The following ITK variants were observed in gnomAD, a reference collection of about 807,000 sequenced individuals.
The protein encoded by ITK is tyrosine-protein kinase ITK/TSK.
In ITK, 45 loss-of-function variants were observed where a neutral mutation model predicts 87.6. The observed-to-expected ratio is 0.51, with a 90% CI of 0.40 to 0.66. The LOEUF is 0.66. Ranked by LOEUF, ITK falls within the 30% of genes least tolerant of loss-of-function variation. The pLI is 0.00. For missense variants in ITK, 605 were observed against 766.3 expected, an observed-to-expected ratio of 0.79 and a Z score of 2.48; for synonymous variants, 303 against 273.6, an observed-to-expected ratio of 1.11 and a Z score of -1.06.
Position 157,232,383 on chromosome 5 carries a change from C to CT in ITK, c.761dup (p.Leu254PhefsTer32). On this transcript the variant is annotated frameshift_variant, in exon 8 of 17. Coordinates refer to ENST00000422843, the MANE Select transcript of ITK (RefSeq NM_005546.4). LOFTEE classifies it high-confidence loss of function. Reference sequence around the variant, plus strand: ...CAGCCGAGACAAAGCTGAAAAACTTCTTTTGGACACAGTAAGTCTCCTTAA... The same window carrying CT: ...CAGCCGAGACAAAGCTGAAAAACTTCTTTTTGGACACAGTAAGTCTCCTTAA... The CT allele has an allele frequency of 1.2e-6, 2 of 1,607,410 alleles. No individual in the cohort carries two copies. Among genetic ancestry groups the CT allele is most frequent in the Non-Finnish European group, 1.7e-6 (2 of 1,174,382 alleles).
rs775078320 is a variant in ITK, at chr5:157,244,419, C to G, written c.1390C>G (p.Leu464Val). The change falls in exon 13 of 17, where the codon CTG (leucine) becomes GTG (valine). Residue 464 changes from leucine (L) to valine (V), a missense_variant. Physicochemically the swap from Leu to Val is conservative, Grantham distance 32. Coordinates refer to ENST00000422843, the MANE Select transcript of ITK (RefSeq NM_005546.4). ...TGCAGAGACCCTGCTGGGCATGTGTCTGGATGTGTGTGAGGGCATGGCCTA... is the reference window on the plus strand; with the variant it reads ...TGCAGAGACCCTGCTGGGCATGTGTGTGGATGTGTGTGAGGGCATGGCCTA... ...FAAETLLGMC[L>V]DVCEGMAYLE... 1 of 1,614,086 alleles carries G rather than the reference C, an allele frequency of 6.2e-7. No homozygotes were observed. The highest frequency in any genetic ancestry group is 8.5e-7 in the Non-Finnish European group (1 of 1,179,918).
chr5:157,204,745 T>C (rs1043975141), intron 1 of ITK, among the ~76,000 whole-genome samples: 18 of 152,238 alleles, frequency 1.2e-4, no homozygotes, highest in Admixed American at 9.8e-4. Flanking sequence ...TTACAGGCAT[T>C]AGCCACCATA....
At chr5:157,187,314 C>A (rs73814023) in intron 1 of ITK, among the ~76,000 whole-genome samples, 2,823 of 152,326 alleles carry the variant, frequency 0.019, 85 homozygotes, top group African/African-American at 0.065. Flanking sequence ...ATAAAGATGG[C>A]CTTGCCAGTG....
chr5:157,198,024 G>A lies in ITK; in HGVS notation c.139-10865G>A, dbSNP rs193021382. On this transcript the variant is annotated intron_variant, in intron 1 of 16. Transcript: ENST00000422843. ...TTCAAAGAGTACAGAAGGATACAAG[G>A]TAAAAAGAAAAGCTCCTTGGGAGGC... Among the ~76,000 whole-genome samples the A allele has an allele frequency of 2.8e-3, 420 of 151,652 alleles. 2 individuals carry two copies. The highest frequency in any genetic ancestry group is 9.7e-3 in the African/African-American group (401 of 41,376).
chr5:157,213,058 C>A (rs1056418982), intron 3 of ITK, among the ~76,000 whole-genome samples: 1 of 151,830 alleles, frequency 6.6e-6, no homozygotes, highest in South Asian at 2.1e-4. Context: ...AAGATATGCC[C>A]GAGAGTGGGT....
chr5:157,197,274 A>C (rs547037816), intron 1 of ITK, among the ~76,000 whole-genome samples: 39 of 152,316 alleles, frequency 2.6e-4, no homozygotes, highest in African/African-American at 8.2e-4. Context: ...GGTGCTCTCT[A>C]GCTGCTGCTC....
At chr5:157,206,015 A>C (rs1754072849) in intron 1 of ITK, among the ~76,000 whole-genome samples, 1 of 127,392 alleles carries the variant, frequency 7.8e-6, no homozygotes, top group African/African-American at 3.1e-5. Context: ...TTGCTCTGTC[A>C]CCTATGCTGG....
chr5:157,197,981 C>T (rs1423101583), intron 1 of ITK, among the ~76,000 whole-genome samples: 1 of 151,916 alleles, frequency 6.6e-6, no homozygotes, highest in Non-Finnish European at 1.5e-5. Flanking sequence ...AAAAGAAATA[C>T]ACATTCATGG....
chr5:157,210,635 C>T (rs1264752708), intron 2 of ITK, among the ~76,000 whole-genome samples: 3 of 150,178 alleles, frequency 2.0e-5, no homozygotes, highest in Non-Finnish European at 3.0e-5. Flanking sequence ...TGCTGGTGCG[C>T]TGCACCCACT....
intron 5 of ITK, among the ~76,000 whole-genome samples, chr5:157,221,873 G>A (rs941813141): frequency 6.6e-6 from 1 of 151,948 alleles, no homozygotes; most frequent in Non-Finnish European, 1.5e-5. Context: ...ATCTGCAGCC[G>A]GGCACAGTGG....
chr5:157,185,399 T>G (rs1753621121), intron 1 of ITK, among the ~76,000 whole-genome samples: 1 of 151,946 alleles, frequency 6.6e-6, no homozygotes, highest in African/African-American at 2.4e-5. Context: ...CCATCATGCT[T>G]GGCTAATTTT....
chr5:157,223,219 G>A (rs1397356486), intron 6 of ITK, among the ~76,000 whole-genome samples: 1 of 152,092 alleles, frequency 6.6e-6, no homozygotes, highest in African/African-American at 2.4e-5. Flanking sequence ...GCAGTCACTT[G>A]CTATGCTTGT....
At chr5:157,184,835 T>C (rs1753609653) in intron 1 of ITK, among the ~76,000 whole-genome samples, 1 of 152,120 alleles carries the variant, frequency 6.6e-6, no homozygotes. Flanking sequence ...TCTGGAGAAC[T>C]GGAAAGGTTC....
chr5:157,226,775 A>G (rs1314130635), intron 6 of ITK, among the ~76,000 whole-genome samples: 1 of 151,946 alleles, frequency 6.6e-6, no homozygotes, highest in African/African-American at 2.4e-5. Context: ...GCAATAAACT[A>G]TCAGGCATCT....
rs902426066 is a variant in ITK at position 157,253,653 on chromosome 5, G to C, written c.*975G>C. On this transcript the variant is annotated 3_prime_UTR_variant, in exon 17 of 17. Coordinates refer to ENST00000422843, the MANE Select transcript of ITK (RefSeq NM_005546.4). ...CTGCACTATCCGATCCTCATCAACA[G>C]AGGGCAGCATTGTGTTGGTCAATGT... The C allele has an allele frequency of 1.0e-4, 23 of 226,864 alleles. No individual in the cohort carries two copies. The highest frequency in any genetic ancestry group is 4.7e-4 in the African/African-American group (21 of 44,986). The allele number at this position is 226,864 out of a possible 1,614,324, so 14.1% of individuals were successfully genotyped here.
At chr5:157,186,399 GCACGATGGCC>G (rs1165448689) in intron 1 of ITK, among the ~76,000 whole-genome samples, 1 of 151,428 alleles carries the variant, frequency 6.6e-6, no homozygotes, top group Non-Finnish European at 1.5e-5. Flanking sequence ...AGAGAGGCGG[GCACGATGGCC>G]CATGCCTGTA....
intron 5 of ITK, among the ~76,000 whole-genome samples, chr5:157,219,964 A>T (rs548845208): frequency 1.3e-5 from 2 of 152,186 alleles, no homozygotes; most frequent in Non-Finnish European, 2.9e-5. Flanking sequence ...TCTGACCACA[A>T]AGGTTTTGGA....
chr5:157,192,070 A>T (rs1753762692), intron 1 of ITK, among the ~76,000 whole-genome samples: 1 of 152,232 alleles, frequency 6.6e-6, no homozygotes, highest in African/African-American at 2.4e-5. Flanking sequence ...ATAGAAACAA[A>T]AGAATCTCAC....
At chr5:157,244,854 T>C (rs896283615) in intron 13 of ITK, 7 of 294,398 alleles carry the variant, frequency 2.4e-5, no homozygotes, top group Admixed American at 4.5e-5. Flanking sequence ...CTTAAGCTAC[T>C]CTCAGAATCT....
Sources: gnomAD v4.1 joint callset for allele counts (sites outside exome capture counted in the v4.1 genomes callset) on GRCh38, gnomAD v4.1.1 for gene constraint, MANE v1.5 for transcripts, NCBI Gene and HGNC (gene_info 2026-07-23, HGNC 2026-07-21) for gene names.